WASF1: variants seen among roughly 807,000 people sequenced by gnomAD.
The protein encoded by WASF1 is WASP family member 1.
In WASF1, 7 loss-of-function variants were observed where a neutral mutation model predicts 50.5. The observed-to-expected ratio is 0.14, with a 90% CI of 0.08 to 0.26. The LOEUF is 0.26. Ranked by LOEUF, WASF1 falls within the 10% of genes least tolerant of loss-of-function variation. The pLI, the probability that WASF1 is intolerant of heterozygous loss-of-function variation, is 1.00. For synonymous variants in WASF1, 205 were observed against 244.0 expected (o/e 0.84, Z 1.49); for missense variants, 470 against 694.7 (o/e 0.68, Z 3.64).
At chr6:110,130,643 G>T (rs956349262) in intron 3 of WASF1, among the ~76,000 whole-genome samples, 12 of 152,138 alleles carry the variant, frequency 7.9e-5, no homozygotes, top group African/African-American at 2.9e-4. Flanking sequence ...TTTCCAGTTT[G>T]AAGCTATTAT....
In WASF1 at chr6:110,175,714, T is replaced by C. The variant is rs867091383; in HGVS notation, c.-127+2884A>G. Among the ~76,000 whole-genome samples the C allele has an allele frequency of 2.0e-5, 3 of 152,148 alleles. No homozygotes were observed. The East Asian group carries it at 5.8e-4, about 29-fold the overall frequency. On this transcript the variant is annotated intron_variant, in intron 2 of 10. Transcript: ENST00000392589. The stretch of plus-strand genomic sequence containing the variant: ...TGCCCTAACTTCTTGTCCCAGATAA[T>C]GTAAGCCTATGCCACTCACTGAACT...
chr6:110,103,281 G>A, intron 9 of WASF1, 97 bp downstream of exon 9: 1 of 1,361,818 alleles, frequency 7.3e-7, no homozygotes, highest in Non-Finnish European at 9.9e-7. Flanking sequence ...GACAAAAACT[G>A]TAAGGCCCGA....
At chr6:110,128,643 C>T (rs1354974050) in intron 3 of WASF1, among the ~76,000 whole-genome samples, 1 of 152,228 alleles carries the variant, frequency 6.6e-6, no homozygotes, top group Non-Finnish European at 1.5e-5. Context: ...ATTCAAATTT[C>T]ACTTACTACA....
intron 5 of WASF1, among the ~76,000 whole-genome samples, chr6:110,112,900 A>C (rs550168488): frequency 1.4e-4 from 18 of 129,804 alleles, no homozygotes; most frequent in African/African-American, 6.0e-4. Context: ...GTCTCAAAAA[A>C]AAAAAAAAAC....
rs367864743 is a variant in WASF1, at chr6:110,103,360, A to G, written c.893+18T>C. ...ACTGACTCCTAAGATAAAACATCAT[A>G]TGCTTGTTCCAACATACCTGATACA... On this transcript the variant is annotated intron_variant, in intron 9 of 10. Transcript: ENST00000392589. 8 of 1,607,696 alleles carry G rather than the reference A, an allele frequency of 5.0e-6. No individual in the cohort carries two copies. In the African/African-American group the frequency reaches 9.4e-5, roughly 19 times the overall value.
At chr6:110,125,105 T>G (rs719850) in intron 4 of WASF1, among the ~76,000 whole-genome samples, 30,991 of 151,944 alleles carry the variant, frequency 0.2, 4,332 homozygotes, top group African/African-American at 0.4. Flanking sequence ...GTAATTCAGA[T>G]TTTATTATCT....
chr6:110,132,221 C>T (rs931115980), intron 3 of WASF1, among the ~76,000 whole-genome samples: 1 of 151,840 alleles, frequency 6.6e-6, no homozygotes, highest in Admixed American at 6.6e-5. Context: ...ATCCCAAGAT[C>T]TTCCTAATCT....
intron 2 of WASF1, among the ~76,000 whole-genome samples, chr6:110,168,247 GTT>G (rs1182589578): frequency 6.6e-6 from 1 of 152,014 alleles, no homozygotes; most frequent in African/African-American, 2.4e-5. Context: ...TGAAATTCAT[GTT>G]TAACTGATAA....
chr6:110,134,193 C>T (rs1302948892), intron 3 of WASF1, among the ~76,000 whole-genome samples: 2 of 152,056 alleles, frequency 1.3e-5, no homozygotes, highest in African/African-American at 2.4e-5. Flanking sequence ...GCTGGGATTA[C>T]AGGTGTATGC....
At chr6:110,107,485 T>C (rs971717712) in intron 6 of WASF1, among the ~76,000 whole-genome samples, 5 of 152,200 alleles carry the variant, frequency 3.3e-5, no homozygotes, top group Admixed American at 3.3e-4. Flanking sequence ...AAAAGTCCTT[T>C]GGGCAATTCC....
At chr6:110,164,751 T>C (rs759306280) in intron 2 of WASF1, among the ~76,000 whole-genome samples, 46 of 151,664 alleles carry the variant, frequency 3.0e-4, no homozygotes, top group Admixed American at 6.6e-5. Context: ...TCAACATCGA[T>C]GTTTTAGCAG....
chr6:110,158,683 T>C (rs1742794798), intron 3 of WASF1, among the ~76,000 whole-genome samples: 2 of 151,908 alleles, frequency 1.3e-5, no homozygotes, highest in Admixed American at 1.3e-4. Context: ...TCAGGTGACT[T>C]GTCTGAGTCA....
intron 2 of WASF1, among the ~76,000 whole-genome samples, chr6:110,163,770 G>C (rs1776358640): frequency 1.3e-5 from 2 of 151,500 alleles, no homozygotes; most frequent in Admixed American, 1.3e-4. Flanking sequence ...AGACCCAGCA[G>C]AGCCAACACA....
intron 4 of WASF1, among the ~76,000 whole-genome samples, chr6:110,121,177 T>G (rs1166413278): frequency 6.6e-6 from 1 of 152,042 alleles, no homozygotes; most frequent in South Asian, 2.1e-4. Context: ...AAAGCCAAAA[T>G]AGACACATGG....
At chr6:110,130,172 C>T (rs1188751637) in intron 3 of WASF1, among the ~76,000 whole-genome samples, 1 of 152,150 alleles carries the variant, frequency 6.6e-6, no homozygotes, top group African/African-American at 2.4e-5. Context: ...ATTCTCTCCA[C>T]ATTTTTAATC....
In WASF1 at chr6:110,100,256, TAAC is replaced by T; in HGVS notation, c.*263_*265del. 3.4e-6 allele frequency: 1 copy of T among 291,746 alleles called. No individual in the cohort carries two copies. The highest frequency in any genetic ancestry group is 6.4e-6 in the Non-Finnish European group (1 of 157,376). 18.1% of individuals were successfully genotyped at this position (291,746 alleles called of 1,614,324 possible). Reference sequence around the variant, plus strand: ...TATCAAAAAACTGAATCTGCTACTCTAACAACAGCTGTCCATGCTTAATACTTA... The same window carrying T: ...TATCAAAAAACTGAATCTGCTACTCTAACAGCTGTCCATGCTTAATACTTA... On this transcript the variant is annotated 3_prime_UTR_variant, in exon 11 of 11. Coordinates refer to ENST00000392589, the MANE Select transcript of WASF1 (RefSeq NM_003931.3).
intron 8 of WASF1, among the ~76,000 whole-genome samples, chr6:110,105,145 C>T (rs1019098206): frequency 1.3e-5 from 2 of 152,130 alleles, no homozygotes; most frequent in Non-Finnish European, 2.9e-5. Context: ...GCTATTGAGA[C>T]GTCACACTAA....
At chr6:110,120,525 C>T (rs944505088) in intron 4 of WASF1, among the ~76,000 whole-genome samples, 31 of 151,902 alleles carry the variant, frequency 2.0e-4, no homozygotes, top group South Asian at 6.2e-4. Context: ...CACTGCTCAA[C>T]GAAATAAAAG....
chr6:110,119,065 G>C (rs1773955900), intron 4 of WASF1, among the ~76,000 whole-genome samples: 1 of 152,162 alleles, frequency 6.6e-6, no homozygotes, highest in African/African-American at 2.4e-5. Flanking sequence ...GAAATTTATA[G>C]CACTAAATAC....
Sources: gnomAD v4.1 joint callset for allele counts (sites outside exome capture counted in the v4.1 genomes callset) on GRCh38, gnomAD v4.1.1 for gene constraint, MANE v1.5 for transcripts, NCBI Gene and HGNC (gene_info 2026-07-23, HGNC 2026-07-21) for gene names.